The following PRKG1 variants were observed in gnomAD, a reference collection of about 807,000 sequenced individuals.
PRKG1 encodes the protein protein kinase cGMP-dependent 1, also known as cGMP-dependent protein kinase 1.
PRKG1 carries 35 observed loss-of-function variants against 88.1 expected under a neutral mutation model. The ratio of observed to expected loss-of-function variants is 0.40; its 90% CI spans 0.30 to 0.53. PRKG1 has a LOEUF of 0.53. PRKG1 is among the 20% of genes least tolerant of loss of function. PRKG1 has a pLI of 0.59. For missense variants in PRKG1, 540 were observed against 839.8 expected (o/e 0.64, Z 4.41); for synonymous variants, 303 against 292.5 (o/e 1.04, Z -0.37).
At chr10:51,515,869 T>C (rs1196495094) in intron 3 of PRKG1, among the ~76,000 whole-genome samples, 1 of 152,094 alleles carries the variant, frequency 6.6e-6, no homozygotes, top group African/African-American at 2.4e-5. Context: ...GCAAACTCCA[T>C]GTGGGCCCCG....
intron 5 of PRKG1, chr10:52,046,800 A>AT (rs1260641755): frequency 6.6e-6 from 1 of 152,126 alleles, no homozygotes; most frequent in Non-Finnish European, 1.5e-5. Context: ...CACATAAATA[A>AT]TGTTGGTTTA....
At chr10:52,036,656 T>G (rs1845619411) in intron 5 of PRKG1, among the ~76,000 whole-genome samples, 1 of 151,776 alleles carries the variant, frequency 6.6e-6, no homozygotes, top group South Asian at 2.1e-4. Context: ...AGGCTTTGGA[T>G]TGGGAAGAAG....
intron 2 of PRKG1, among the ~76,000 whole-genome samples, chr10:51,298,766 A>C (rs766223256): frequency 1.3e-5 from 2 of 152,186 alleles, no homozygotes; most frequent in Non-Finnish European, 2.9e-5. Flanking sequence ...TGAGAGTAAA[A>C]TAAATCTACA....
intron 3 of PRKG1, among the ~76,000 whole-genome samples, chr10:51,764,366 C>G (rs150659647): frequency 6.6e-6 from 1 of 152,230 alleles, no homozygotes; most frequent in East Asian, 1.9e-4. Context: ...GACTTTTCTT[C>G]AGATCGAATA....
chr10:51,106,559 C>T (rs928616856), intron 1 of PRKG1, among the ~76,000 whole-genome samples: 5 of 152,084 alleles, frequency 3.3e-5, no homozygotes, highest in African/African-American at 9.7e-5. Context: ...AGTCTGTGCC[C>T]GCCTTGCTCA....
intron 2 of PRKG1, among the ~76,000 whole-genome samples, chr10:51,451,295 G>A (rs1159585067): frequency 7.4e-6 from 1 of 135,716 alleles, no homozygotes; most frequent in African/African-American, 2.8e-5. Flanking sequence ...TTTTTTTTTG[G>A]TGACAATGTC....
chr10:51,875,940 TTTTCTTTCTTTC>T (rs1236082726), intron 4 of PRKG1, among the ~76,000 whole-genome samples: 24 of 114,170 alleles, frequency 2.1e-4, no homozygotes, highest in South Asian at 1.8e-3. Flanking sequence ...TATTCCTTTC[TTTTCTTTCTTTC>T]TTTTTTTTTT....
At chr10:52,255,165 T>A (rs895863902) in intron 10 of PRKG1, among the ~76,000 whole-genome samples, 2 of 152,132 alleles carry the variant, frequency 1.3e-5, no homozygotes, top group Non-Finnish European at 2.9e-5. Context: ...TCTCTTTTTA[T>A]ATATGACTTA....
chr10:51,932,308 G>A (rs542057610), intron 5 of PRKG1, among the ~76,000 whole-genome samples: 4 of 151,352 alleles, frequency 2.6e-5, no homozygotes, highest in African/African-American at 9.7e-5. Flanking sequence ...AGCAAGAAAA[G>A]AACATTGAGA....
chr10:52,182,825 T>C (rs1163107692), intron 9 of PRKG1, among the ~76,000 whole-genome samples: 1 of 151,926 alleles, frequency 6.6e-6, no homozygotes, highest in Non-Finnish European at 1.5e-5. Flanking sequence ...CCATGCTGTT[T>C]TGGTTACTGT....
intron 7 of PRKG1, among the ~76,000 whole-genome samples, chr10:52,093,968 C>G (rs543091917): frequency 1.3e-5 from 2 of 152,186 alleles, no homozygotes; most frequent in Admixed American, 6.5e-5. Context: ...ATTAAGAACC[C>G]CTATGGTTGC....
chr10:51,538,669 G>GAA (rs773529112), intron 3 of PRKG1, among the ~76,000 whole-genome samples: 2 of 122,830 alleles, frequency 1.6e-5, no homozygotes, highest in Non-Finnish European at 1.8e-5. Flanking sequence ...CCCTAACAAT[G>GAA]AAAAAAAAAA....
At chr10:51,309,247 C>A (rs1564440612) in intron 2 of PRKG1, among the ~76,000 whole-genome samples, 3 of 152,074 alleles carry the variant, frequency 2.0e-5, no homozygotes, top group African/African-American at 7.2e-5. Flanking sequence ...TTTCAAATCC[C>A]AGTCTCTTTC....
chr10:51,372,351 A>G (rs1842722484), intron 2 of PRKG1, among the ~76,000 whole-genome samples: 1 of 152,192 alleles, frequency 6.6e-6, no homozygotes, highest in African/African-American at 2.4e-5. Flanking sequence ...TAAAAGTACA[A>G]TTGAGTTCTT....
At chr10:51,457,447 G>A (rs1380087145) in intron 2 of PRKG1, among the ~76,000 whole-genome samples, 2 of 152,130 alleles carry the variant, frequency 1.3e-5, no homozygotes, top group East Asian at 3.9e-4. Flanking sequence ...AGGCGGGAAG[G>A]AATAAGAGAC....
intron 1 of PRKG1, among the ~76,000 whole-genome samples, chr10:51,145,452 A>G (rs1054602074): frequency 6.6e-6 from 1 of 152,194 alleles, no homozygotes; most frequent in African/African-American, 2.4e-5. Flanking sequence ...AAATTATGTA[A>G]TGAAATGCGT....
chr10:52,143,443 C>G (rs1015331551), intron 8 of PRKG1, among the ~76,000 whole-genome samples: 1 of 152,174 alleles, frequency 6.6e-6, no homozygotes, highest in Non-Finnish European at 1.5e-5. Flanking sequence ...ATGCCCTGAG[C>G]AAGCATTGCC....
chr10:51,282,920 T>A (rs1840338808), intron 2 of PRKG1, among the ~76,000 whole-genome samples: 1 of 152,144 alleles, frequency 6.6e-6, no homozygotes, highest in Admixed American at 6.6e-5. Flanking sequence ...TGTTGTGTGA[T>A]TGATGTTGAG....
chr10:51,396,328 G>A (rs1435451202), intron 2 of PRKG1, among the ~76,000 whole-genome samples: 3 of 152,016 alleles, frequency 2.0e-5, no homozygotes, highest in African/African-American at 4.8e-5. Context: ...TTGAGACCAG[G>A]CATTTGAGGT....
Sources: allele counts gnomAD v4.1 joint callset (sites outside exome capture counted in the v4.1 genomes callset), GRCh38; gene constraint gnomAD v4.1.1; transcripts MANE v1.5; gene names NCBI Gene and HGNC (gene_info 2026-07-23, HGNC 2026-07-21).